The following TMEM117 variants were observed in gnomAD, a reference collection of about 807,000 sequenced individuals.
TMEM117 encodes transmembrane protein 117.
A neutral mutation model predicts 52.4 loss-of-function variants in TMEM117; 27 were observed. The ratio of observed to expected loss-of-function variants is 0.51; its 90% CI spans 0.38 to 0.71. The LOEUF (loss-of-function observed/expected upper bound fraction) is 0.71. Among genes scored for constraint, TMEM117 ranks in the 30% least tolerant of loss-of-function variants. The probability of loss-of-function intolerance (pLI) is 0.00; values close to 1 mark genes in which losing one functional copy is unlikely to be tolerated. For synonymous variants in TMEM117, 215 were observed against 206.3 expected (o/e 1.04, Z -0.36); for missense variants, 556 against 630.5 (o/e 0.88, Z 1.26).
chr12:44,073,094 A>G (rs1947327429), intron 3 of TMEM117, among the ~76,000 whole-genome samples: 1 of 150,068 alleles, frequency 6.7e-6, no homozygotes, highest in African/African-American at 2.4e-5. Context: ...CCCCTGCCCA[A>G]AAAAAAAAAC....
chr12:44,099,842 T>C (rs1947832590), intron 3 of TMEM117, among the ~76,000 whole-genome samples: 1 of 151,898 alleles, frequency 6.6e-6, no homozygotes, highest in African/African-American at 2.4e-5. Context: ...GGGATATTAG[T>C]AAAAAGGCTA....
intron 2 of TMEM117, among the ~76,000 whole-genome samples, chr12:43,921,708 T>C (rs1944697285): frequency 1.3e-5 from 2 of 152,336 alleles, no homozygotes; most frequent in South Asian, 4.1e-4. Context: ...TTCGTTTCTA[T>C]GTATCTCATC....
At chr12:44,385,538 TG>T (rs1952076793) in intron 7 of TMEM117, among the ~76,000 whole-genome samples, 2 of 152,132 alleles carry the variant, frequency 1.3e-5, no homozygotes, top group African/African-American at 4.8e-5. Context: ...AGTTCAAGGC[TG>T]CAGTGAGCTA....
chr12:44,217,124 A>G (rs996992197), intron 5 of TMEM117, among the ~76,000 whole-genome samples: 1 of 152,214 alleles, frequency 6.6e-6, no homozygotes, highest in Non-Finnish European at 1.5e-5. Context: ...AATAATCATA[A>G]AAATACAATA....
chr12:43,867,448 G>C (rs1943622435), intron 2 of TMEM117, among the ~76,000 whole-genome samples: 1 of 152,168 alleles, frequency 6.6e-6, no homozygotes, highest in South Asian at 2.1e-4. Flanking sequence ...ATGGGACAAG[G>C]ATAAACAGCA....
chr12:43,990,430 A>G (rs1353007287), intron 3 of TMEM117, among the ~76,000 whole-genome samples: 2 of 152,194 alleles, frequency 1.3e-5, no homozygotes, highest in African/African-American at 4.8e-5. Context: ...AAAAAGATGG[A>G]ATTGAGCACT....
chr12:43,940,822 G>A lies in TMEM117; in HGVS notation c.278-3388G>A, dbSNP rs914893467. ...GCCTCCCAAAGTGCTGGGATTACAG[G>A]CATGAGCCACTGCACCTGGCCCATA... On this transcript the variant is annotated intron_variant, in intron 2 of 7. Coordinates refer to ENST00000266534, the MANE Select transcript of TMEM117 (RefSeq NM_032256.3). Among the ~76,000 whole-genome samples, 6 of 152,282 alleles carry A rather than the reference G, an allele frequency of 3.9e-5. 1 individual carries two copies. The highest frequency in any genetic ancestry group is 3.9e-4 in the Admixed American group (6 of 15,288).
At chr12:43,824,802 G>T in the TMEM117 span, among the ~76,000 whole-genome samples, 43 of 152,196 alleles carry the variant, frequency 2.8e-4, no homozygotes, top group African/African-American at 9.9e-4. Context: ...GGTGGCGGGT[G>T]CCTGTAGTCC....
At chr12:43,980,501 T>C (rs1047933092) in intron 3 of TMEM117, among the ~76,000 whole-genome samples, 11 of 152,202 alleles carry the variant, frequency 7.2e-5, no homozygotes, top group Admixed American at 6.5e-5. Context: ...GCTGCTTCAA[T>C]ACTTTTATAT....
chr12:44,246,823 A>G (rs1950136670), intron 5 of TMEM117, among the ~76,000 whole-genome samples: 1 of 152,212 alleles, frequency 6.6e-6, no homozygotes, highest in South Asian at 2.1e-4. Context: ...GTTCGAACAC[A>G]TCAACCTGGG....
intron 4 of TMEM117, among the ~76,000 whole-genome samples, chr12:44,155,805 T>A (rs1021343171): frequency 1.3e-5 from 2 of 152,112 alleles, no homozygotes; most frequent in Middle Eastern, 3.2e-3. Flanking sequence ...TTTGGTCACC[T>A]GACAGGGAGT....
chr12:44,260,522 A>G (rs1275590079), intron 5 of TMEM117, among the ~76,000 whole-genome samples: 5 of 152,190 alleles, frequency 3.3e-5, no homozygotes, highest in Admixed American at 3.3e-4. Context: ...CATTGGTAAT[A>G]TCTATTATTA....
rs113012243 is a variant in TMEM117 at position 44,076,674 on chromosome 12, A to G, written c.411-66851A>G. ...AGTGCTGATATATATTTGAGTAATCAGTGTCCACAGCAATATGGTAATTTC... is the reference window on the plus strand; with the variant it reads ...AGTGCTGATATATATTTGAGTAATCGGTGTCCACAGCAATATGGTAATTTC... On this transcript the variant is annotated intron_variant, in intron 3 of 7. Coordinates refer to ENST00000266534, the MANE Select transcript of TMEM117 (RefSeq NM_032256.3). 2.8e-3 allele frequency among the ~76,000 whole-genome samples: 429 copies of G among 152,272 alleles called. 5 individuals carry two copies. Among genetic ancestry groups the G allele is most frequent in the African/African-American group, 9.8e-3 (406 of 41,566 alleles).
chr12:44,062,804 G>A (rs1295541664), intron 3 of TMEM117, among the ~76,000 whole-genome samples: 1 of 152,156 alleles, frequency 6.6e-6, no homozygotes, highest in Non-Finnish European at 1.5e-5. Flanking sequence ...TCTCCCTTTA[G>A]GGAATCTAAT....
At chr12:44,221,281 G>C (rs1403847158) in intron 5 of TMEM117, among the ~76,000 whole-genome samples, 18 of 152,068 alleles carry the variant, frequency 1.2e-4, no homozygotes, top group Non-Finnish European at 2.9e-5. Flanking sequence ...AAAAGAGAAG[G>C]CCATCTAAGG....
chr12:43,800,543 G>GA, the TMEM117 span: 18 of 1,596,788 alleles, frequency 1.1e-5, no homozygotes, highest in Non-Finnish European at 1.5e-5. Flanking sequence ...ATTCAGTTGT[G>GA]AAAGTTTACT....
chr12:43,861,141 T>C (rs1244748269), intron 2 of TMEM117, among the ~76,000 whole-genome samples: 2 of 152,218 alleles, frequency 1.3e-5, no homozygotes, highest in African/African-American at 4.8e-5. Flanking sequence ...ATGCTAACTT[T>C]GTAATAGTAT....
intron 4 of TMEM117, among the ~76,000 whole-genome samples, chr12:44,183,346 A>G (rs1028516985): frequency 3.3e-5 from 5 of 152,100 alleles, no homozygotes; most frequent in Admixed American, 2.6e-4. Flanking sequence ...TTAATTTTGG[A>G]TACTTACTTT....
intron 3 of TMEM117, among the ~76,000 whole-genome samples, chr12:44,118,052 G>C (rs550208455): frequency 2.7e-5 from 4 of 150,902 alleles, no homozygotes; most frequent in Admixed American, 6.6e-5. Context: ...AAAAAAACAC[G>C]TACAGAGAAT....
Sources: gnomAD v4.1 joint callset for allele counts (sites outside exome capture counted in the v4.1 genomes callset) on GRCh38, gnomAD v4.1.1 for gene constraint, MANE v1.5 for transcripts, NCBI Gene and HGNC (gene_info 2026-07-23, HGNC 2026-07-21) for gene names.